Variants in ADARB2 observed in about 807,000 individuals in gnomAD.
The protein encoded by ADARB2 is inactive double-stranded RNA-specific editase B2.
In ADARB2, 25 loss-of-function variants were observed where a neutral mutation model predicts 62.2. The observed-to-expected ratio is 0.40, with a 90% CI of 0.29 to 0.56. ADARB2 has a LOEUF of 0.56. Ranked by LOEUF, ADARB2 falls within the 20% of genes least tolerant of loss-of-function variation. The pLI, the probability that ADARB2 is intolerant of heterozygous loss-of-function variation, is 0.43. For missense variants in ADARB2, 1,071 were observed against 1,077.4 expected (o/e 0.99, Z 0.08); for synonymous variants, 572 against 500.8 (o/e 1.14, Z -1.90).
At chr10:1,605,816 T>C (rs1474626057) in intron 1 of ADARB2, among the ~76,000 whole-genome samples, 4 of 152,218 alleles carry the variant, frequency 2.6e-5, no homozygotes, top group Non-Finnish European at 5.9e-5. Context: ...TATGAATTTA[T>C]GGACAACTTA....
intron 1 of ADARB2, among the ~76,000 whole-genome samples, chr10:1,563,411 C>G (rs577014734): frequency 1.3e-5 from 2 of 152,248 alleles, no homozygotes; most frequent in South Asian, 4.2e-4. Flanking sequence ...ATATGACCTC[C>G]TGCATCCATC....
chr10:1,518,143 C>T (rs17221750), intron 1 of ADARB2, among the ~76,000 whole-genome samples: 29,554 of 152,116 alleles, frequency 0.19, 3,221 homozygotes, highest in Non-Finnish European at 0.25. Context: ...GCTCCAGCAG[C>T]GAGAGCGATG....
chr10:1,360,284 C>G (rs1033819750), intron 3 of ADARB2, among the ~76,000 whole-genome samples: 6 of 152,204 alleles, frequency 3.9e-5, no homozygotes, highest in South Asian at 2.1e-4. Context: ...CTTTTCCGAG[C>G]GTGGGACACA....
At chr10:1,285,268 C>T (rs1288542966) in intron 3 of ADARB2, among the ~76,000 whole-genome samples, 2 of 152,040 alleles carry the variant, frequency 1.3e-5, no homozygotes, top group Non-Finnish European at 2.9e-5. Context: ...TTCATGCCTC[C>T]CAGGAAAGAG....
intron 1 of ADARB2, among the ~76,000 whole-genome samples, chr10:1,427,828 CCAGGTGTTCAT>C (rs1832904379): frequency 6.6e-6 from 1 of 152,202 alleles, no homozygotes; most frequent in Non-Finnish European, 1.5e-5. Context: ...TTAGTCCAGA[CCAGGTGTTCAT>C]CAGTGGTGAA....
intron 1 of ADARB2, among the ~76,000 whole-genome samples, chr10:1,576,154 T>G (rs1833017807): frequency 3.0e-4 from 3 of 10,098 alleles, no homozygotes; most frequent in Admixed American, 2.1e-3. Context: ...GGGTCCACGG[T>G]CACAGGAGGG....
Position 1,259,062 on chromosome 10 carries a change from C to T in ADARB2, c.1192+11893G>A, listed in dbSNP as rs574848253. On this transcript the variant is annotated intron_variant, in intron 4 of 9. Coordinates refer to ENST00000381312, the MANE Select transcript of ADARB2 (RefSeq NM_018702.4). ...TCCTGAATGACTACTGGGTAAATAACGAAATGAAGGCAGAAATAAAGATGT... is the reference window on the plus strand; with the variant it reads ...TCCTGAATGACTACTGGGTAAATAATGAAATGAAGGCAGAAATAAAGATGT... Among the ~76,000 whole-genome samples, 139 of 152,170 alleles carry T rather than the reference C, an allele frequency of 9.1e-4. 1 individual carries two copies. Among genetic ancestry groups the T allele is most frequent in the Admixed American group, 8.2e-3 (126 of 15,276 alleles).
intron 2 of ADARB2, among the ~76,000 whole-genome samples, chr10:1,376,334 A>C (rs1369012864): frequency 1.3e-5 from 2 of 152,234 alleles, no homozygotes; most frequent in East Asian, 3.8e-4. Flanking sequence ...AAATAACTTA[A>C]AGTTATTGTT....
chr10:1,514,158 AGTGTGAG>A (rs1831975270), intron 1 of ADARB2, among the ~76,000 whole-genome samples: 1 of 85,118 alleles, frequency 1.2e-5, no homozygotes, highest in Non-Finnish European at 2.5e-5. Flanking sequence ...GTTGGGTGAC[AGTGTGAG>A]ACGCTGTCTC....
At chr10:1,303,636 G>A (rs1308501146) in intron 3 of ADARB2, among the ~76,000 whole-genome samples, 2 of 151,732 alleles carry the variant, frequency 1.3e-5, no homozygotes, top group Admixed American at 6.6e-5. Flanking sequence ...GAGAAGGGTC[G>A]GGTTACCCTC....
At chr10:1,230,342 T>C (rs973713625) in intron 6 of ADARB2, among the ~76,000 whole-genome samples, 1 of 152,192 alleles carries the variant, frequency 6.6e-6, no homozygotes, top group African/African-American at 2.4e-5. Context: ...CTGGGAACAG[T>C]GCAAACTGGA....
intron 1 of ADARB2, among the ~76,000 whole-genome samples, chr10:1,524,923 A>G (rs1188843263): frequency 1.3e-5 from 2 of 152,196 alleles, no homozygotes; most frequent in African/African-American, 2.4e-5. Context: ...TCTATGTCTG[A>G]GCCTCCAGAT....
rs942088124 is a variant in ADARB2 at position 1,398,582 on chromosome 10, G to A, written c.101-19422C>T. 8.5e-5 allele frequency among the ~76,000 whole-genome samples: 13 copies of A among 152,334 alleles called. No individual in the cohort carries two copies. The East Asian group carries it at 2.3e-3, about 27-fold the overall frequency. Reference sequence around the variant, plus strand: ...AACTGTCAGAACCCAGTTCTGGTGCGGAGGTAAGACAACTCAAAAACGTGT... The same window carrying A: ...AACTGTCAGAACCCAGTTCTGGTGCAGAGGTAAGACAACTCAAAAACGTGT... On this transcript the variant is annotated intron_variant, in intron 1 of 9. Coordinates refer to ENST00000381312, the MANE Select transcript of ADARB2 (RefSeq NM_018702.4). This position sits in a 1 kb window ranked among gnomAD's most constrained non-coding sequence, Gnocchi z 4.1.
At chr10:1,272,103 A>T (rs1831268414) in intron 3 of ADARB2, among the ~76,000 whole-genome samples, 1 of 152,280 alleles carries the variant, frequency 6.6e-6, no homozygotes, top group South Asian at 2.1e-4. Context: ...TATTATTTTC[A>T]TCATTATCAT....
chr10:1,263,032 C>G (rs1167661188), intron 4 of ADARB2, among the ~76,000 whole-genome samples: 2 of 146,822 alleles, frequency 1.4e-5, no homozygotes, highest in Admixed American at 7.0e-5. Flanking sequence ...ATCACAAGGA[C>G]AAAAAACCAA....
intron 1 of ADARB2, among the ~76,000 whole-genome samples, chr10:1,496,091 A>G (rs1831686186): frequency 6.6e-6 from 1 of 151,756 alleles, no homozygotes; most frequent in Non-Finnish European, 1.5e-5. Context: ...CGTCATCACC[A>G]TCATCATCGT....
intron 1 of ADARB2, among the ~76,000 whole-genome samples, chr10:1,514,193 A>ATATATATATATATATG (rs933457969): frequency 7.5e-6 from 1 of 133,814 alleles, no homozygotes; most frequent in African/African-American, 2.7e-5. Context: ...ATATATATAT[A>ATATATATATATATATG]TATGTATATT....
chr10:1,732,327 A>AC (rs1835244471), intron 1 of ADARB2, among the ~76,000 whole-genome samples: 1 of 125,404 alleles, frequency 8.0e-6, no homozygotes, highest in Non-Finnish European at 1.8e-5. Flanking sequence ...AAAAAAAAAA[A>AC]AAATTTCCTT....
At chr10:1,428,538 C>T (rs1207522969) in intron 1 of ADARB2, among the ~76,000 whole-genome samples, 2 of 152,124 alleles carry the variant, frequency 1.3e-5, no homozygotes, top group Admixed American at 6.5e-5. Flanking sequence ...CCGCCCGCCT[C>T]TGCCTCCTAA....
Sources: gnomAD v4.1 joint callset for allele counts (sites outside exome capture counted in the v4.1 genomes callset) on GRCh38, gnomAD v4.1.1 for gene constraint, Gnocchi (gnomAD v3.1) non-coding constraint, MANE v1.5 for transcripts, NCBI Gene and HGNC (gene_info 2026-07-23, HGNC 2026-07-21) for gene names.